TP53BP2: variants seen among roughly 807,000 people sequenced by gnomAD.
TP53BP2 encodes apoptosis-stimulating of p53 protein 2.
TP53BP2 carries 62 observed loss-of-function variants against 126.2 expected under a neutral mutation model. The ratio of observed to expected loss-of-function variants is 0.49; its 90% confidence interval spans 0.40 to 0.61. TP53BP2 has a LOEUF of 0.61. Ranked by LOEUF, TP53BP2 falls within the 20% of genes least tolerant of loss-of-function variation. The probability of loss-of-function intolerance (pLI) is 0.00; values close to 1 mark genes in which losing one functional copy is unlikely to be tolerated. For synonymous variants in TP53BP2, 485 were observed against 502.9 expected, an observed-to-expected ratio of 0.96 and a Z score of 0.48; for missense variants, 1,215 against 1,402.8, an observed-to-expected ratio of 0.87 and a Z score of 2.14.
Position 223,800,738 on chromosome 1 carries a change from G to A in TP53BP2, c.1298C>T (p.Ala433Val), listed in dbSNP as rs751273230. The A allele has an allele frequency of 2.5e-6, 4 of 1,609,932 alleles. No individual in the cohort carries two copies. Among genetic ancestry groups the A allele is most frequent in the African/African-American group, 1.3e-5 (1 of 74,556 alleles). ...NADLFPSQGSASVPQSTGNAL... is the reference protein window; with the variant it reads ...NADLFPSQGSVSVPQSTGNAL... ...ATTCCCAGTGCTTTGAGGTACAGAA[G>A]CAGAGCCTTGGCTTGGGAAAAGATC... The change falls in exon 10 of 18, where the codon GCT (alanine) becomes GTT (valine). Residue 433 changes from alanine (A) to valine (V), a missense_variant. Ala to Val is a moderately conservative substitution (Grantham distance 64). Around this residue, in one of 4 missense-constraint regions of TP53BP2, gnomAD observed 814 missense variants for 853.0 expected, o/e 0.95. Coordinates refer to ENST00000343537, the MANE Select transcript of TP53BP2 (RefSeq NM_001031685.3).
In TP53BP2 at chr1:223,804,349, C is replaced by T; in HGVS notation, c.475-1G>A. On this transcript the variant is annotated splice_acceptor_variant, in intron 5 of 17. Transcript: ENST00000343537. LOFTEE classifies it high-confidence loss of function. The stretch of plus-strand genomic sequence containing the variant: ...GTTTCAAAAACTTTAAGCGCTGTTC[C>T]TAAAAATAAAAGTAATCATTAGGTA... 6.2e-7 allele frequency: 1 copy of T among 1,612,266 alleles called. No homozygotes were observed. Among genetic ancestry groups the T allele is most frequent in the Non-Finnish European group, 8.5e-7 (1 of 1,179,642 alleles).
chr1:223,845,287 A>C (rs1664227501), intron 1 of TP53BP2: 1 of 982,290 alleles, frequency 1.0e-6, no homozygotes. Flanking sequence ...AGACACAGCA[A>C]AGAACAAGGT....
intron 13 of TP53BP2, 32 bp downstream of exon 13, chr1:223,795,783 C>T (rs779319304): frequency 4.3e-6 from 6 of 1,408,340 alleles, no homozygotes; most frequent in South Asian, 4.2e-5. Context: ...TAAAGGACTC[C>T]GGAAAAGGCT....
intron 1 of TP53BP2, among the ~76,000 whole-genome samples, chr1:223,831,480 AAT>A (rs10543436): frequency 0.035 from 1,120 of 32,256 alleles, 12 homozygotes; most frequent in Middle Eastern, 0.067. Flanking sequence ...AAAAAAAAAA[AAT>A]ATATATATAT....
rs201532748 is a variant in TP53BP2 at position 223,803,263 on chromosome 1, C to T, written c.831+8G>A. The T allele has an allele frequency of 1.1e-3, 1,730 of 1,602,168 alleles. 1 individual carries two copies. The highest frequency in any genetic ancestry group is 1.4e-3 in the Non-Finnish European group (1,608 of 1,175,590). ...TTGTACAGCTTTTGGCAAACAGCTA[C>T]GGTCTACCTGCAGCTCCTTATAGAG... On this transcript the variant is annotated splice_region_variant and intron_variant, in intron 7 of 17. Coordinates refer to ENST00000343537, the MANE Select transcript of TP53BP2 (RefSeq NM_001031685.3).
chr1:223,815,792 C>CCTATGTTTAA (rs2102867402), intron 2 of TP53BP2, among the ~76,000 whole-genome samples: 1 of 112,926 alleles, frequency 8.9e-6, no homozygotes, highest in Admixed American at 8.6e-5. Context: ...TGTACCTTTT[C>CCTATGTTTAA]CTATGTTTAG....
intron 1 of TP53BP2, chr1:223,825,981 A>C (rs1429358047): frequency 3.9e-5 from 6 of 152,176 alleles, no homozygotes; most frequent in Non-Finnish European, 8.8e-5. Context: ...GCAGAGAGGC[A>C]AAAAAAAGAC....
At chr1:223,845,232 G>C (rs1664224955) in intron 1 of TP53BP2, 1 of 984,942 alleles carries the variant, frequency 1.0e-6, no homozygotes, top group Admixed American at 6.2e-5. Context: ...CAAAGCAAAG[G>C]TACCCGTTCC....
chr1:223,805,589 C>T (rs1571853880), intron 5 of TP53BP2, among the ~76,000 whole-genome samples: 1 of 152,204 alleles, frequency 6.6e-6, no homozygotes, highest in Admixed American at 6.5e-5. Context: ...GACATGAAGT[C>T]CACACTGCCT....
chr1:223,828,470 A>C (rs1365844320), intron 1 of TP53BP2, among the ~76,000 whole-genome samples: 1 of 152,216 alleles, frequency 6.6e-6, no homozygotes, highest in East Asian at 1.9e-4. Flanking sequence ...TACCATTCTT[A>C]TTCATATACA....
chr1:223,795,539 A>G (rs1450922436), intron 13 of TP53BP2, among the ~76,000 whole-genome samples: 1 of 152,204 alleles, frequency 6.6e-6, no homozygotes, highest in African/African-American at 2.4e-5. Flanking sequence ...TGCTTCCCTA[A>G]TATGTCACAT....
chr1:223,800,928 C>T (rs1662508192), intron 9 of TP53BP2, 118 bp from the exon 10 acceptor site: 1 of 634,732 alleles, frequency 1.6e-6, no homozygotes, highest in African/African-American at 1.9e-5. Context: ...TCACAACACC[C>T]CAATAAATTT....
At position 223,806,778 on chromosome 1, in the gene TP53BP2, C is replaced by G. The variant is rs939799615; in HGVS notation, c.474+68G>C. On this transcript the variant is annotated intron_variant, in intron 5 of 17. Coordinates refer to ENST00000343537, the MANE Select transcript of TP53BP2 (RefSeq NM_001031685.3). ...GGCGGAGGTTGCAGTGAGCCAAGAT[C>G]GTGCCACTGCACTCCAGCCTAGGCG... is the stretch of plus-strand genomic sequence containing the variant. The G allele has an allele frequency of 9.6e-6, 12 of 1,245,362 alleles. No individual in the cohort carries two copies. The African/African-American group carries it at 1.5e-4, about 16-fold the overall frequency. The allele number at this position is 1,245,362 out of a possible 1,614,324, so 77.1% of individuals were successfully genotyped here.
rs149759074 is a variant in TP53BP2 at position 223,793,995 on chromosome 1, A to C, written c.2725-555T>G. The stretch of plus-strand genomic sequence containing the variant: ...AATGGCAGAGCTGGGACGCAAATCC[A>C]GGTAAGCTGGCTTCTTTAAAGTCTG... On this transcript the variant is annotated intron_variant, in intron 13 of 17. Coordinates refer to ENST00000343537, the MANE Select transcript of TP53BP2 (RefSeq NM_001031685.3). Among the ~76,000 whole-genome samples the C allele has an allele frequency of 4.3e-3, 660 of 152,342 alleles. 1 individual carries two copies. Among genetic ancestry groups the C allele is most frequent in the Non-Finnish European group, 7.2e-3 (488 of 68,030 alleles).
At chr1:223,834,736 C>T in intron 1 of TP53BP2, 3 of 803,910 alleles carry the variant, frequency 3.7e-6, no homozygotes, top group Non-Finnish European at 4.5e-6. Context: ...CTGATTCCTA[C>T]TCTGTCCTGT....
At chr1:223,844,794 T>A (rs970030057) in intron 1 of TP53BP2, among the ~76,000 whole-genome samples, 9 of 152,240 alleles carry the variant, frequency 5.9e-5, no homozygotes, top group Non-Finnish European at 1.2e-4. Context: ...AAAAGCTTTT[T>A]GTTTCTTTGT....
At chr1:223,810,981 A>T (rs569779050) in intron 3 of TP53BP2, among the ~76,000 whole-genome samples, 24 of 152,286 alleles carry the variant, frequency 1.6e-4, no homozygotes, top group Non-Finnish European at 3.1e-4. Context: ...GAAAGCACTT[A>T]AAAAAAGGAA....
At position 223,792,088 on chromosome 1, in the gene TP53BP2, C is replaced by T. The variant is rs550364317; in HGVS notation, c.2996+301G>A. Among the ~76,000 whole-genome samples, 7 of 152,306 alleles carry T rather than the reference C, an allele frequency of 4.6e-5. No homozygotes were observed. The East Asian group carries it at 1.3e-3, about 29-fold the overall frequency. ...TAGGGATACCTTGCCTAAATCAGCA[C>T]TTCTCTCTTAAGCTTTGCTTAAGGA... On this transcript the variant is annotated intron_variant, in intron 15 of 17. Coordinates refer to ENST00000343537, the MANE Select transcript of TP53BP2 (RefSeq NM_001031685.3).
chr1:223,795,952 G>A lies in TP53BP2; in HGVS notation c.2587C>T (p.His863Tyr), dbSNP rs745728760. 4 of 1,614,156 alleles carry A rather than the reference G, an allele frequency of 2.5e-6. No individual in the cohort carries two copies. In the South Asian group the frequency reaches 3.3e-5, roughly 13 times the overall value. The change falls in exon 13 of 18, where the codon CAT (histidine) becomes TAT (tyrosine). Residue 863 changes from histidine (H) to tyrosine (Y), a missense_variant. By Grantham distance (83) the His-to-Tyr change is moderately conservative. Transcript: ENST00000343537. ...NPEEPNPEAP[H>Y]VLDVYLEEYP... is the part of the protein sequence containing the mutation. ...TCCTCCAGGTACACATCAAGCACAT[G>A]TGGAGCCTCTGGATTTGGTTCTTCT...
Sources: allele counts gnomAD v4.1 joint callset (sites outside exome capture counted in the v4.1 genomes callset), GRCh38; gene constraint gnomAD v4.1.1; regional missense constraint gnomAD v4.1.1; transcripts MANE v1.5; gene names NCBI Gene and HGNC (gene_info 2026-07-23, HGNC 2026-07-21).